The following DPP10 variants were observed in gnomAD, a reference collection of about 807,000 sequenced individuals.
DPP10 encodes the protein dipeptidyl peptidase like 10, also known as inactive dipeptidyl peptidase 10.
In DPP10, 33 loss-of-function variants were observed where a neutral mutation model predicts 120.9. The ratio of observed to expected loss-of-function variants is 0.27; its 90% CI spans 0.21 to 0.37. DPP10 has a LOEUF of 0.37. DPP10 is among the 10% of genes least tolerant of loss of function. The pLI is 1.00. For missense variants in DPP10, 816 were observed against 942.8 expected (o/e 0.87, Z 1.76); for synonymous variants, 337 against 326.1 (o/e 1.03, Z -0.36).
intron 1 of DPP10, among the ~76,000 whole-genome samples, chr2:114,543,104 G>A (rs936380815): frequency 1.3e-5 from 2 of 152,154 alleles, no homozygotes; most frequent in African/African-American, 4.8e-5. Context: ...ATACGATTTG[G>A]CACTGGAGGA....
At chr2:115,403,902 A>T (rs1294821230) in intron 3 of DPP10, among the ~76,000 whole-genome samples, 1 of 152,204 alleles carries the variant, frequency 6.6e-6, no homozygotes, top group African/African-American at 2.4e-5. Flanking sequence ...TAGAGTTGCA[A>T]CATTCAAAAT....
At position 115,691,115 on chromosome 2, in the gene DPP10, C is replaced by CTT. The variant is rs556982150; in HGVS notation, c.576+1203_576+1204dup. Among the ~76,000 whole-genome samples the CTT allele has an allele frequency of 3.4e-3, 503 of 146,620 alleles. 2 individuals are homozygous for CTT. Among genetic ancestry groups the CTT allele is most frequent in the Middle Eastern group, 0.011 (3 of 280 alleles). Reference sequence around the variant, plus strand: ...TATTTGTCCATTCACATTTTTTATTCTTTTTTTTTTAGTTAAAAGGAACCC... The same window carrying CTT: ...TATTTGTCCATTCACATTTTTTATTCTTTTTTTTTTTTAGTTAAAAGGAACCC... On this transcript the variant is annotated intron_variant, in intron 7 of 25. Coordinates refer to ENST00000410059, the MANE Select transcript of DPP10 (RefSeq NM_020868.6).
At chr2:114,857,357 C>G (rs529458565) in intron 1 of DPP10, among the ~76,000 whole-genome samples, 2 of 152,298 alleles carry the variant, frequency 1.3e-5, no homozygotes, top group African/African-American at 4.8e-5. Flanking sequence ...TTACAGAGCC[C>G]TCCTGCCTTC....
At chr2:114,868,833 T>G (rs1488424965) in intron 1 of DPP10, among the ~76,000 whole-genome samples, 1 of 152,144 alleles carries the variant, frequency 6.6e-6, no homozygotes, top group Non-Finnish European at 1.5e-5. Flanking sequence ...ATGATGCTTA[T>G]GATCATGAGT....
At chr2:114,487,933 G>A (rs1681652802) in intron 1 of DPP10, among the ~76,000 whole-genome samples, 1 of 152,126 alleles carries the variant, frequency 6.6e-6, no homozygotes, top group South Asian at 2.1e-4. Context: ...TAACTTACAT[G>A]CACTAACAAA....
chr2:114,818,790 C>A lies in DPP10; in HGVS notation c.60+375952C>A, dbSNP rs530206059. On this transcript the variant is annotated intron_variant, in intron 1 of 25. Transcript: ENST00000410059. ...ATGCTTGTCTAGAGGATGTATGCCA[C>A]ATTTTATCCATGAACCTTTTCTACC... Among the ~76,000 whole-genome samples, 3 of 152,300 alleles carry A rather than the reference C, an allele frequency of 2.0e-5. No homozygotes were observed. The South Asian group carries it at 6.2e-4, about 32-fold the overall frequency.
chr2:114,500,565 A>T (rs1002107434), intron 1 of DPP10, among the ~76,000 whole-genome samples: 5 of 152,216 alleles, frequency 3.3e-5, no homozygotes, highest in African/African-American at 1.2e-4. Flanking sequence ...GCCTAACGGC[A>T]GTAAAAACCA....
chr2:115,395,944 A>G (rs1351692082), intron 3 of DPP10, among the ~76,000 whole-genome samples: 1 of 152,114 alleles, frequency 6.6e-6, no homozygotes, highest in Non-Finnish European at 1.5e-5. Context: ...ATTTGATTCA[A>G]TTTCTGATAG....
chr2:115,628,870 G>T (rs1026205456), intron 5 of DPP10, among the ~76,000 whole-genome samples: 7 of 151,692 alleles, frequency 4.6e-5, no homozygotes, highest in South Asian at 4.2e-4. Context: ...CAACGTGCAG[G>T]TTTGTTACAT....
chr2:115,227,773 A>G (rs538129736), intron 1 of DPP10, among the ~76,000 whole-genome samples: 2 of 152,242 alleles, frequency 1.3e-5, no homozygotes, highest in South Asian at 4.1e-4. Flanking sequence ...GCAGAATAGT[A>G]TCCCATTATA....
intron 7 of DPP10, among the ~76,000 whole-genome samples, chr2:115,699,833 A>T: frequency 6.6e-6 from 1 of 152,234 alleles, no homozygotes; most frequent in Non-Finnish European, 1.5e-5. Context: ...CAACATAGCT[A>T]ACTGGGATTC....
intron 3 of DPP10, among the ~76,000 whole-genome samples, chr2:115,459,860 T>C (rs572817831): frequency 6.6e-6 from 1 of 150,842 alleles, no homozygotes; most frequent in African/African-American, 2.4e-5. Context: ...TGGAAAGGAC[T>C]ACCATGTTAT....
At chr2:115,131,957 T>A (rs2050383531) in intron 1 of DPP10, 1 of 151,046 alleles carries the variant, frequency 6.6e-6, no homozygotes, top group Non-Finnish European at 1.5e-5. Context: ...AATTAGCCGA[T>A]CATGGTGGCA....
intron 1 of DPP10, among the ~76,000 whole-genome samples, chr2:115,118,408 T>A: frequency 6.6e-6 from 1 of 152,196 alleles, no homozygotes; most frequent in Non-Finnish European, 1.5e-5. Context: ...TATTAGGCAA[T>A]TTTTAAAGCT....
rs70941052 is a variant in DPP10, at chr2:115,384,558, GGAAGAAGAA to G, written c.271+40655_271+40663del. Among the ~76,000 whole-genome samples the G allele has an allele frequency of 5.2e-3, 737 of 142,828 alleles. 5 individuals carry two copies. The highest frequency in any genetic ancestry group is 0.018 in the African/African-American group (663 of 37,574). 93.7% of individuals were successfully genotyped at this position (142,828 alleles called of 152,430 possible). A position where few individuals can be genotyped will look rare whatever the true frequency, so the allele number is the denominator to read the frequency against. ...GAAAGAAGAAGAAGGAAGAAGAAGA[GGAAGAAGAA>G]GAAGAAGAGGAAGAGGAGGAAAAGG... is the stretch of plus-strand genomic sequence containing the variant. On this transcript the variant is annotated intron_variant, in intron 3 of 25. Transcript: ENST00000410059.
intron 1 of DPP10, among the ~76,000 whole-genome samples, chr2:114,694,656 A>G (rs1699965389): frequency 6.6e-6 from 1 of 152,038 alleles, no homozygotes; most frequent in Non-Finnish European, 1.5e-5. Context: ...TTTGTCTTCA[A>G]AGATCTAACA....
chr2:114,741,418 G>A (rs574316445), intron 1 of DPP10, among the ~76,000 whole-genome samples: 2 of 152,278 alleles, frequency 1.3e-5, no homozygotes, highest in African/African-American at 4.8e-5. Context: ...GGAGAAAGGA[G>A]GTGTTGGGAG....
chr2:114,731,660 G>T (rs927627108), intron 1 of DPP10, among the ~76,000 whole-genome samples: 2 of 152,148 alleles, frequency 1.3e-5, no homozygotes, highest in Non-Finnish European at 2.9e-5. Flanking sequence ...GAACTGACTG[G>T]GAAATAGGTT....
chr2:115,667,797 T>C (rs2089573432), intron 5 of DPP10, among the ~76,000 whole-genome samples: 1 of 151,918 alleles, frequency 6.6e-6, no homozygotes, highest in African/African-American at 2.4e-5. Flanking sequence ...CTTTTTGCTT[T>C]ATTTCTAGCA....
Sources: allele counts gnomAD v4.1 joint callset (sites outside exome capture counted in the v4.1 genomes callset), GRCh38; gene constraint gnomAD v4.1.1; transcripts MANE v1.5; gene names NCBI Gene and HGNC (gene_info 2026-07-23, HGNC 2026-07-21).